Variants in RAMP3 observed in about 807,000 individuals in gnomAD.
The protein encoded by RAMP3 is receptor activity-modifying protein 3.
A neutral mutation model predicts 13.5 loss-of-function variants in RAMP3; 14 were observed. The ratio of observed to expected loss-of-function variants is 1.04; its 90% CI spans 0.69 to 1.63. RAMP3 has a LOEUF of 1.63. RAMP3 is among the 40% of genes most tolerant of loss of function. The probability of loss-of-function intolerance (pLI) is 0.00; values close to 1 mark genes in which losing one functional copy is unlikely to be tolerated. For synonymous variants in RAMP3, 106 were observed against 88.3 expected (o/e 1.20, Z -1.12); for missense variants, 200 against 204.8 (o/e 0.98, Z 0.14).
intron 1 of RAMP3, among the ~76,000 whole-genome samples, chr7:45,170,296 G>T (rs7784852): frequency 1.3e-5 from 2 of 151,402 alleles, no homozygotes; most frequent in African/African-American, 4.8e-5. Flanking sequence ...AGGGTGGAAG[G>T]CTGGGTAATT....
At chr7:45,178,011 G>T (rs1786228863) in intron 2 of RAMP3, among the ~76,000 whole-genome samples, 1 of 151,424 alleles carries the variant, frequency 6.6e-6, no homozygotes, top group Non-Finnish European at 1.5e-5. Context: ...CTGGCCTGGG[G>T]GGTGCACTCT....
At chr7:45,173,779 G>A (rs1786124222) in intron 1 of RAMP3, among the ~76,000 whole-genome samples, 1 of 152,210 alleles carries the variant, frequency 6.6e-6, no homozygotes, top group Admixed American at 6.5e-5. Flanking sequence ...ATCATCCAGG[G>A]CACCTGCTTT....
In RAMP3 at chr7:45,179,787, G is replaced by A. The variant is rs573166054; in HGVS notation, c.191+2346G>A. 1.0e-3 allele frequency among the ~76,000 whole-genome samples: 156 copies of A among 152,286 alleles called. 2 individuals are homozygous for A. The highest frequency in any genetic ancestry group is 3.6e-3 in the African/African-American group (150 of 41,548). On this transcript the variant is annotated intron_variant, in intron 2 of 2. Transcript: ENST00000242249. ...GCTTGCAGCCGGTGAGGGCTTGCCC[G>A]GTACTAGCACGAGGGAGGAAAATGT... is the stretch of plus-strand genomic sequence containing the variant.
At chr7:45,180,755 TG>T (rs1037900983) in intron 2 of RAMP3, among the ~76,000 whole-genome samples, 2 of 152,190 alleles carry the variant, frequency 1.3e-5, no homozygotes, top group African/African-American at 4.8e-5. Flanking sequence ...GGAGTCTGAC[TG>T]GGGGGTTTGC....
intron 2 of RAMP3, among the ~76,000 whole-genome samples, chr7:45,182,343 T>C (rs1786332875): frequency 6.6e-6 from 1 of 152,112 alleles, no homozygotes; most frequent in Non-Finnish European, 1.5e-5. Context: ...ACTCTAGGCC[T>C]TGCAGACCCC....
intron 1 of RAMP3, among the ~76,000 whole-genome samples, chr7:45,158,626 G>A (rs887460375): frequency 6.6e-6 from 1 of 152,164 alleles, no homozygotes; most frequent in South Asian, 2.1e-4. Flanking sequence ...TGCTTGCTGA[G>A]GGCTGGGGTC....
At chr7:45,174,548 A>AT (rs1786142123) in intron 1 of RAMP3, among the ~76,000 whole-genome samples, 1 of 151,980 alleles carries the variant, frequency 6.6e-6, no homozygotes. Flanking sequence ...GGGCCTGTGC[A>AT]TTTTTTATCC....
chr7:45,164,420 A>C (rs1276340883), intron 1 of RAMP3, among the ~76,000 whole-genome samples: 1 of 152,190 alleles, frequency 6.6e-6, no homozygotes, highest in Non-Finnish European at 1.5e-5. Flanking sequence ...CTGTGGTCCC[A>C]GCTACTCAGG....
In RAMP3 at chr7:45,183,915, CG is replaced by C; in HGVS notation, c.*504del. 4.7e-6 allele frequency: 2 copies of C among 424,594 alleles called. No individual in the cohort carries two copies. The highest frequency in any genetic ancestry group is 8.3e-6 in the Non-Finnish European group (2 of 240,982). 26.3% of individuals were successfully genotyped at this position (424,594 alleles called of 1,614,324 possible). On this transcript the variant is annotated 3_prime_UTR_variant, in exon 3 of 3. Transcript: ENST00000242249. Reference sequence around the variant, plus strand: ...AGGCAGGGGCTCTTGGAAGACGTTCCGTGCTGTGACCTCCGAGCCCTCCTGG... The same window carrying C: ...AGGCAGGGGCTCTTGGAAGACGTTCCTGCTGTGACCTCCGAGCCCTCCTGG...
intron 1 of RAMP3, among the ~76,000 whole-genome samples, chr7:45,168,741 CCTAT>C (rs1365599315): frequency 5.3e-5 from 8 of 152,138 alleles, no homozygotes; most frequent in Non-Finnish European, 1.0e-4. Context: ...TTTACTTCTT[CCTAT>C]CTAACTTGGA....
rs1235576538 is a variant in RAMP3, at chr7:45,184,049, G to A, written c.*637G>A. 2.5e-6 allele frequency: 1 copy of A among 404,422 alleles called. No individual in the cohort carries two copies. The highest frequency in any genetic ancestry group is 4.4e-6 in the Non-Finnish European group (1 of 229,346). The allele number at this position is 404,422 out of a possible 1,614,324, so 25.1% of individuals were successfully genotyped here. A position where few individuals can be genotyped will look rare whatever the true frequency, so the allele number is the denominator to read the frequency against. On this transcript the variant is annotated 3_prime_UTR_variant, in exon 3 of 3. Coordinates refer to ENST00000242249, the MANE Select transcript of RAMP3 (RefSeq NM_005856.3). ...CCATCATGATGCTGTGCCCGCTATG[G>A]GCTGTGTCCATGACCAGAGGCTGGA...
rs749634715 is a variant in RAMP3, at chr7:45,183,398, G to T, written c.433G>T (p.Asp145Tyr). 6.2e-7 allele frequency: 1 copy of T among 1,612,610 alleles called. No individual in the cohort carries two copies. Among genetic ancestry groups the T allele is most frequent in the Non-Finnish European group, 8.5e-7 (1 of 1,180,006 alleles). ...GLVVWRSKRTDTLL is the reference protein window; with the variant it reads ...GLVVWRSKRTYTLL ...GGTGGTGTGGCGCAGCAAACGCACC[G>T]ACACGCTGCTGTGAGGGTCCCGGTG... Residue 145 changes from aspartate (D) to tyrosine (Y), a missense_variant, in exon 3 of 3, where the codon GAC (aspartate) becomes TAC (tyrosine). Coordinates refer to ENST00000242249, the MANE Select transcript of RAMP3 (RefSeq NM_005856.3).
chr7:45,171,315 C>T lies in RAMP3; in HGVS notation c.59-5994C>T, dbSNP rs1375085880. ...GGTCTACAGGTGTGCACCACTGTGC[C>T]CTGCTAATTTTTGTATTTTTAGTAG... On this transcript the variant is annotated intron_variant, in intron 1 of 2. Transcript: ENST00000242249. Among the ~76,000 whole-genome samples the T allele has an allele frequency of 2.0e-5, 3 of 151,914 alleles. No homozygotes were observed. The East Asian group carries it at 5.8e-4, about 29-fold the overall frequency.
chr7:45,163,885 G>A, intron 1 of RAMP3: 3 of 985,296 alleles, frequency 3.0e-6, no homozygotes, highest in African/African-American at 3.5e-5. Context: ...TCTCTTGAAG[G>A]GACGCCAGCT....
intron 1 of RAMP3, among the ~76,000 whole-genome samples, chr7:45,175,034 A>G (rs1786152753): frequency 6.6e-6 from 1 of 152,232 alleles, no homozygotes; most frequent in Non-Finnish European, 1.5e-5. Flanking sequence ...GGGATGGGAC[A>G]GACACAGAAT....
At chr7:45,169,716 C>T (rs1408921378) in intron 1 of RAMP3, among the ~76,000 whole-genome samples, 1 of 152,174 alleles carries the variant, frequency 6.6e-6, no homozygotes, top group Non-Finnish European at 1.5e-5. Flanking sequence ...ATGTCTTCAC[C>T]TCATCTTCTT....
intron 1 of RAMP3, among the ~76,000 whole-genome samples, chr7:45,169,294 G>T (rs2128656517): frequency 6.6e-6 from 1 of 152,326 alleles, no homozygotes; most frequent in African/African-American, 2.4e-5. Context: ...TGAGTTGGAA[G>T]ATGGGGAAGT....
At chr7:45,166,957 G>GTTTTTTTTTT (rs1370310920) in intron 1 of RAMP3, among the ~76,000 whole-genome samples, 1 of 48,448 alleles carries the variant, frequency 2.1e-5, no homozygotes, top group African/African-American at 1.3e-4. Context: ...GGTCTTTGAT[G>GTTTTTTTTTT]CTTTTTTTTT....
chr7:45,181,108 C>A (rs771857495), intron 2 of RAMP3, among the ~76,000 whole-genome samples: 2 of 152,210 alleles, frequency 1.3e-5, no homozygotes, highest in African/African-American at 2.4e-5. Context: ...GTTCTCTCAA[C>A]CACCTGATAG....
Sources: gnomAD v4.1 joint callset for allele counts (sites outside exome capture counted in the v4.1 genomes callset) on GRCh38, gnomAD v4.1.1 for gene constraint, MANE v1.5 for transcripts, NCBI Gene and HGNC (gene_info 2026-07-23, HGNC 2026-07-21) for gene names.